ATG16L2: variants seen among roughly 807,000 people sequenced by gnomAD.
ATG16L2 encodes autophagy related 16 like 2.
ATG16L2 carries 77 observed loss-of-function variants against 84.7 expected under a neutral mutation model. That is an observed-to-expected ratio of 0.91 (90% confidence interval 0.76 to 1.10). ATG16L2 has a LOEUF of 1.10. ATG16L2 is among the 50% of genes least tolerant of loss of function. The pLI, the probability that ATG16L2 is intolerant of heterozygous loss-of-function variation, is 0.00. For synonymous variants in ATG16L2, 361 were observed against 342.8 expected (o/e 1.05, Z -0.59); for missense variants, 782 against 817.6 (o/e 0.96, Z 0.53).
intron 9 of ATG16L2, 115 bp downstream of exon 9, chr11:72,824,957 C>T: frequency 2.4e-6 from 2 of 820,124 alleles, no homozygotes; most frequent in South Asian, 3.6e-5. Flanking sequence ...CTGGGCTCCT[C>T]AGCAGGAGCA....
At position 72,822,614 on chromosome 11, in the gene ATG16L2, G is replaced by A; in HGVS notation, c.710+71G>A. Reference sequence around the variant, plus strand: ...GCCCCGCCTGCCTGCGGCGACCCAGGCTGCCGACTGTACTTGTGCACAGCC... The same window carrying A: ...GCCCCGCCTGCCTGCGGCGACCCAGACTGCCGACTGTACTTGTGCACAGCC... On this transcript the variant is annotated intron_variant, in intron 6 of 17. Transcript: ENST00000321297. The surrounding 1 kb of genome is among the most constrained non-coding windows in gnomAD (Gnocchi z 4.2). 6.4e-7 allele frequency: 1 copy of A among 1,570,604 alleles called. No homozygotes were observed. Among genetic ancestry groups the A allele is most frequent in the Non-Finnish European group, 8.6e-7 (1 of 1,156,900 alleles).
chr11:72,827,759 C>T (rs895598208), intron 14 of ATG16L2, among the ~76,000 whole-genome samples: 9 of 152,024 alleles, frequency 5.9e-5, no homozygotes, highest in African/African-American at 7.3e-5. Context: ...GCCAACATGG[C>T]GAAACCCTGT....
chr11:72,823,476 T>C, intron 7 of ATG16L2: 1 of 363,314 alleles, frequency 2.8e-6, no homozygotes, highest in South Asian at 2.1e-5. Context: ...CCTCCATCCT[T>C]CTTGATTTGC....
chr11:72,840,752 C>T, intron 5 of ATG16L2: 1 of 683,886 alleles, frequency 1.5e-6, no homozygotes, highest in Non-Finnish European at 2.6e-6. Context: ...TTTACCTTCC[C>T]AAACCCAGTT....
chr11:72,835,460 C>T (rs1394931985), intron 5 of ATG16L2, among the ~76,000 whole-genome samples: 2 of 151,770 alleles, frequency 1.3e-5, no homozygotes, highest in African/African-American at 2.4e-5. Flanking sequence ...GAGAAGAGTT[C>T]GTGGTGACCA....
intron 4 of ATG16L2, 121 bp from the exon 5 acceptor site, chr11:72,821,923 G>T: frequency 7.0e-7 from 1 of 1,422,896 alleles, no homozygotes; most frequent in South Asian, 1.5e-5. Context: ...GGGAGACCTG[G>T]CTTAGCCACC....
At chr11:72,843,223 T>G (rs770462860) in exon 6 of ATG16L2, 5 of 1,614,024 alleles carry the variant, frequency 3.1e-6, no homozygotes, top group Non-Finnish European at 2.5e-6. Context: ...TGTGACCGAC[T>G]GTCCAAAGCG....
chr11:72,842,924 C>G, exon 6 of ATG16L2: 1 of 1,069,908 alleles, frequency 9.3e-7, no homozygotes, highest in Non-Finnish European at 1.4e-6. Context: ...CACATGACAA[C>G]TAAAAGAGCA....
chr11:72,834,264 T>C (rs970340525), downstream of ATG16L2, among the ~76,000 whole-genome samples: 3 of 152,216 alleles, frequency 2.0e-5, no homozygotes, highest in African/African-American at 7.2e-5. Flanking sequence ...GATTTCATCC[T>C]AAGGCCACTG....
chr11:72,823,543 G>A (rs1314573699), intron 7 of ATG16L2: 5 of 406,396 alleles, frequency 1.2e-5, no homozygotes, highest in African/African-American at 2.1e-5. Flanking sequence ...CCTCTTCTCA[G>A]TCTTTCCTTG....
At chr11:72,841,374 GT>G (rs201145516) in intron 5 of ATG16L2, 199 of 754,740 alleles carry the variant, frequency 2.6e-4, no homozygotes, top group Middle Eastern at 7.1e-4. Flanking sequence ...AGCAAATGCA[GT>G]TTTTTTTTGC....
Position 72,822,868 on chromosome 11 carries a change from A to T in ATG16L2, c.731A>T (p.Asp244Val). 6.4e-7 allele frequency: 1 copy of T among 1,567,796 alleles called. No homozygotes were observed. The highest frequency in any genetic ancestry group is 2.3e-5 in the East Asian group (1 of 42,884). The change falls in exon 7 of 18, where the codon GAT becomes GTT. Residue 244 changes from aspartate to valine, a missense_variant. Physicochemically the swap from Asp to Val is radical, Grantham distance 152. Transcript: ENST00000321297. The surrounding 1 kb of genome is among the most constrained non-coding windows in gnomAD (Gnocchi z 4.2). ...CCTAGGGGCCCGGACACCCTAGGCG[A>T]TGGGATGAGGGAGAGAAGGGAGACT... ...SISEGPDTLG[D>V]GMRERRETLA...
chr11:72,835,927 C>T (rs942760828), intron 5 of ATG16L2, among the ~76,000 whole-genome samples: 12 of 151,902 alleles, frequency 7.9e-5, no homozygotes, highest in South Asian at 2.1e-4. Context: ...TTTGTATTTT[C>T]GGTAGAGACT....
downstream of ATG16L2, among the ~76,000 whole-genome samples, chr11:72,831,584 A>G (rs112981237): frequency 0.012 from 1,820 of 152,200 alleles, 13 homozygotes; most frequent in South Asian, 0.021. Flanking sequence ...ATTCTTCGAT[A>G]CTCAGCCTTC....
rs182449947 is a variant in ATG16L2, at chr11:72,827,485, A to G, written c.1472+192A>G. Among the ~76,000 whole-genome samples, 232 of 152,306 alleles carry G rather than the reference A, an allele frequency of 1.5e-3. 1 individual carries two copies. The highest frequency in any genetic ancestry group is 5.3e-3 in the African/African-American group (219 of 41,580). On this transcript the variant is annotated intron_variant, in intron 14 of 17. Coordinates refer to ENST00000321297, the MANE Select transcript of ATG16L2 (RefSeq NM_033388.2). ...CGCAGGAAGCTGTGCCACTGTCTTC[A>G]TGGCTCTTGGTCCAATGCTGGACTC...
intron 5 of ATG16L2, chr11:72,840,969 A>C: frequency 6.2e-7 from 1 of 1,602,492 alleles, no homozygotes; most frequent in African/African-American, 1.3e-5. Flanking sequence ...TCTAAGGGAG[A>C]AAACCAAAGA....
intron 13 of ATG16L2, 82 bp from the exon 14 acceptor site, chr11:72,827,106 G>C: frequency 8.8e-7 from 1 of 1,131,574 alleles, no homozygotes. Context: ...TGGGTTCTGG[G>C]CCTCAGCTTC....
chr11:72,825,296 C>G lies in ATG16L2; in HGVS notation c.997-6C>G. The stretch of plus-strand genomic sequence containing the variant: ...GCCGGGGCACCAACCTCCCCTTTCC[C>G]CACAGGATGCCCACCTCTCTGAGGT... On this transcript the variant is annotated splice_region_variant and splice_polypyrimidine_tract_variant and intron_variant, in intron 9 of 17. Coordinates refer to ENST00000321297, the MANE Select transcript of ATG16L2 (RefSeq NM_033388.2). 1.2e-6 allele frequency: 2 copies of G among 1,612,726 alleles called. No homozygotes were observed. The highest frequency in any genetic ancestry group is 1.7e-6 in the Non-Finnish European group (2 of 1,179,482).
At chr11:72,818,898 G>A (rs1359961717) in intron 3 of ATG16L2, 1 of 152,108 alleles carries the variant, frequency 6.6e-6, no homozygotes, top group Non-Finnish European at 1.5e-5. Context: ...ACAGAAATGC[G>A]GGCATAGGTA....
Sources: allele counts gnomAD v4.1 joint callset (sites outside exome capture counted in the v4.1 genomes callset), GRCh38; gene constraint gnomAD v4.1.1; non-coding constraint Gnocchi (gnomAD v3.1); transcripts MANE v1.5; gene names NCBI Gene and HGNC (gene_info 2026-07-23, HGNC 2026-07-21).